ASIC2: variants seen among roughly 807,000 people sequenced by gnomAD.
The protein encoded by ASIC2 is acid sensing ion channel subunit 2, also known as acid-sensing ion channel 2.
A neutral mutation model predicts 57.3 loss-of-function variants in ASIC2; 25 were observed. That is an observed-to-expected ratio of 0.44 (90% CI 0.32 to 0.61). The LOEUF is 0.61. Among genes scored for constraint, ASIC2 ranks in the 20% least tolerant of loss-of-function variants. The pLI, the probability that ASIC2 is intolerant of heterozygous loss-of-function variation, is 0.06. For missense variants in ASIC2, 641 were observed against 738.1 expected, an observed-to-expected ratio of 0.87 and a Z score of 1.52; for synonymous variants, 319 against 307.5, an observed-to-expected ratio of 1.04 and a Z score of -0.39.
chr17:33,632,111 A>G (rs537467264), intron 1 of ASIC2, among the ~76,000 whole-genome samples: 2 of 152,288 alleles, frequency 1.3e-5, no homozygotes, highest in African/African-American at 4.8e-5. Flanking sequence ...ACCTGGGAAA[A>G]TCAACTAACC....
intron 1 of ASIC2, among the ~76,000 whole-genome samples, chr17:33,595,000 C>T (rs1208228868): frequency 6.6e-6 from 1 of 151,976 alleles, no homozygotes; most frequent in Non-Finnish European, 1.5e-5. Flanking sequence ...GTGGGATGAT[C>T]ACTTGAGCCT....
chr17:34,119,901 C>T (rs2142118040), intron 1 of ASIC2, among the ~76,000 whole-genome samples: 1 of 152,294 alleles, frequency 6.6e-6, no homozygotes, highest in East Asian at 1.9e-4. Flanking sequence ...AATTAATAGA[C>T]AAATTAACAT....
intron 1 of ASIC2, among the ~76,000 whole-genome samples, chr17:33,367,592 G>A (rs973117703): frequency 1.3e-5 from 2 of 152,240 alleles, no homozygotes; most frequent in African/African-American, 2.4e-5. Context: ...CATGCCTGCT[G>A]TCAGGGGTAC....
At chr17:33,930,746 G>A (rs71379429) in intron 1 of ASIC2, among the ~76,000 whole-genome samples, 62 of 152,196 alleles carry the variant, frequency 4.1e-4, no homozygotes, top group African/African-American at 1.4e-3. Flanking sequence ...CCAGAGTTCT[G>A]GGGGTACAGG....
At chr17:33,091,854 G>A (rs1207634500) in intron 2 of ASIC2, among the ~76,000 whole-genome samples, 1 of 152,212 alleles carries the variant, frequency 6.6e-6, no homozygotes, top group Non-Finnish European at 1.5e-5. Flanking sequence ...TCCCTGTGCT[G>A]CCCAACATGG....
At chr17:33,319,785 C>T (rs532704671) in intron 1 of ASIC2, among the ~76,000 whole-genome samples, 9 of 152,306 alleles carry the variant, frequency 5.9e-5, no homozygotes, top group South Asian at 2.1e-4. Flanking sequence ...TTACCCTCCT[C>T]GGCCTCCCAA....
At position 33,242,012 on chromosome 17, in the gene ASIC2, A is replaced by G. The variant is rs374905379; in HGVS notation, c.708+49396T>C. On this transcript the variant is annotated intron_variant, in intron 1 of 9. Coordinates refer to ENST00000225823, the MANE Select transcript of ASIC2 (RefSeq NM_183377.2). ...TAAGTATTCTCCACTTTAACTCCGA[A>G]CCTACACAAAATAGGATTTATTCTG... Among the ~76,000 whole-genome samples, 14 of 152,292 alleles carry G rather than the reference A, an allele frequency of 9.2e-5. No individual in the cohort carries two copies. In the East Asian group the frequency reaches 2.1e-3, roughly 23 times the overall value.
chr17:33,454,713 A>G (rs920119237), intron 1 of ASIC2, among the ~76,000 whole-genome samples: 4 of 152,202 alleles, frequency 2.6e-5, no homozygotes, highest in African/African-American at 4.8e-5. Flanking sequence ...TGTTGCCCAC[A>G]GTTCTGGAGG....
In ASIC2 at chr17:33,490,200, T is replaced by C. The variant is rs369709135; in HGVS notation, c.556-378133A>G. ...AGTTAGGTCATTGCTATAGAGACTGTATGGCCTGCAAGGCCCAAAATATTT... is the reference window on the plus strand; with the variant it reads ...AGTTAGGTCATTGCTATAGAGACTGCATGGCCTGCAAGGCCCAAAATATTT... On this transcript the variant is annotated intron_variant, in intron 1 of 9. Transcript: ENST00000359872. Among the ~76,000 whole-genome samples, 23 of 152,386 alleles carry C rather than the reference T, an allele frequency of 1.5e-4. No individual in the cohort carries two copies. In the East Asian group the frequency reaches 3.9e-3, roughly 26 times the overall value.
chr17:33,478,210 G>A (rs543092092), intron 1 of ASIC2, among the ~76,000 whole-genome samples: 6 of 152,326 alleles, frequency 3.9e-5, no homozygotes, highest in African/African-American at 1.4e-4. Flanking sequence ...GCTTCCAAGA[G>A]GGGGCACAGC....
At chr17:33,451,248 T>C (rs1180944428) in intron 1 of ASIC2, among the ~76,000 whole-genome samples, 1 of 152,006 alleles carries the variant, frequency 6.6e-6, no homozygotes, top group Non-Finnish European at 1.5e-5. Context: ...CAAAGTTTTG[T>C]ATTTTTCATG....
intron 1 of ASIC2, among the ~76,000 whole-genome samples, chr17:33,700,955 G>C (rs969940988): frequency 4.6e-5 from 7 of 152,098 alleles, no homozygotes; most frequent in Non-Finnish European, 1.5e-5. Flanking sequence ...GTAGAATTGG[G>C]GGAGCATTCT....
chr17:33,833,065 A>G (rs568694660), intron 1 of ASIC2, among the ~76,000 whole-genome samples: 10 of 152,362 alleles, frequency 6.6e-5, no homozygotes, highest in African/African-American at 2.4e-4. Context: ...AATGAGAGTT[A>G]TAGTTGAATC....
intron 1 of ASIC2, among the ~76,000 whole-genome samples, chr17:33,311,073 C>T (rs1474939492): frequency 6.6e-6 from 1 of 152,140 alleles, no homozygotes; most frequent in Non-Finnish European, 1.5e-5. Flanking sequence ...AGACCCTCTG[C>T]AAGACTCCAG....
chr17:33,791,511 G>T (rs1190651407), intron 1 of ASIC2, among the ~76,000 whole-genome samples: 1 of 152,108 alleles, frequency 6.6e-6, no homozygotes, highest in Non-Finnish European at 1.5e-5. Flanking sequence ...GTAGCCAAGG[G>T]TTAGTATGAA....
chr17:33,745,922 T>A (rs1027662502), intron 1 of ASIC2, among the ~76,000 whole-genome samples: 8 of 152,180 alleles, frequency 5.3e-5, no homozygotes, highest in African/African-American at 1.9e-4. Flanking sequence ...ACGTTTCTTC[T>A]TTCTTCTCTT....
intron 1 of ASIC2, among the ~76,000 whole-genome samples, chr17:34,085,045 A>G (rs145777405): frequency 4.6e-5 from 7 of 152,266 alleles, no homozygotes; most frequent in East Asian, 1.9e-4. Flanking sequence ...TCTCCTGCCT[A>G]ATTGCCGTGG....
At chr17:33,068,527 C>CACAAA (rs1567733323) in intron 3 of ASIC2, among the ~76,000 whole-genome samples, 9 of 68,292 alleles carry the variant, frequency 1.3e-4, no homozygotes, top group Admixed American at 7.2e-4. Context: ...GAAACTCCAT[C>CACAAA]TCAAAACAAA....
chr17:33,853,653 A>G (rs1913836446), intron 1 of ASIC2, among the ~76,000 whole-genome samples: 1 of 152,192 alleles, frequency 6.6e-6, no homozygotes, highest in Non-Finnish European at 1.5e-5. Flanking sequence ...AATGGATTTA[A>G]TCGCAGCAGG....
Sources: allele counts gnomAD v4.1 joint callset (sites outside exome capture counted in the v4.1 genomes callset), GRCh38; gene constraint gnomAD v4.1.1; transcripts MANE v1.5; gene names NCBI Gene and HGNC (gene_info 2026-07-23, HGNC 2026-07-21).